HS3ST2: variants seen among roughly 807,000 people sequenced by gnomAD.
HS3ST2 encodes the protein heparan sulfate glucosamine 3-O-sulfotransferase 2.
HS3ST2 carries 17 observed loss-of-function variants against 26.3 expected under a neutral mutation model. The ratio of observed to expected loss-of-function variants is 0.65; its 90% CI spans 0.44 to 0.97. The LOEUF (loss-of-function observed/expected upper bound fraction) is 0.97, where lower values mean the gene tolerates loss of function less well. HS3ST2 is among the 50% of genes least tolerant of loss of function. HS3ST2 has a pLI of 0.00. For synonymous variants in HS3ST2, 237 were observed against 219.2 expected (o/e 1.08, Z -0.72); for missense variants, 402 against 501.2 (o/e 0.80, Z 1.89).
chr16:22,895,926 A>G (rs1902203618), intron 1 of HS3ST2, among the ~76,000 whole-genome samples: 2 of 151,648 alleles, frequency 1.3e-5, no homozygotes, highest in African/African-American at 4.8e-5. Flanking sequence ...TGTTTTGCCA[A>G]CTTTTCGGTC....
intron 1 of HS3ST2, among the ~76,000 whole-genome samples, chr16:22,845,806 G>C (rs1219449237): frequency 3.3e-5 from 5 of 152,176 alleles, no homozygotes; most frequent in Non-Finnish European, 7.4e-5. Context: ...TAAGGCTTTT[G>C]TGTTAAAGCA....
At chr16:22,833,319 G>C (rs1273660992) in intron 1 of HS3ST2, 3 of 455,924 alleles carry the variant, frequency 6.6e-6, no homozygotes, top group Admixed American at 2.3e-5. Context: ...CACACACTTG[G>C]GTGATTGTGC....
intron 1 of HS3ST2, among the ~76,000 whole-genome samples, chr16:22,857,943 A>G (rs1450642364): frequency 6.6e-6 from 1 of 152,172 alleles, no homozygotes; most frequent in Admixed American, 6.5e-5. Flanking sequence ...GAGAGATGTG[A>G]GAGATTCTTA....
At chr16:22,831,745 CA>C (rs1901173342) in intron 1 of HS3ST2, among the ~76,000 whole-genome samples, 1 of 152,044 alleles carries the variant, frequency 6.6e-6, no homozygotes, top group East Asian at 1.9e-4. Flanking sequence ...CACTCTCAGA[CA>C]AAATGAAAAT....
At chr16:22,833,598 A>G in intron 1 of HS3ST2, 1 of 289,556 alleles carries the variant, frequency 3.5e-6, no homozygotes, top group African/African-American at 2.2e-5. Flanking sequence ...GGGCTAGCCC[A>G]TGAGAGAAAG....
At chr16:22,887,519 C>G (rs1010818254) in intron 1 of HS3ST2, among the ~76,000 whole-genome samples, 1 of 152,150 alleles carries the variant, frequency 6.6e-6, no homozygotes, top group African/African-American at 2.4e-5. Context: ...ATATCATCAC[C>G]TTAGGGATTA....
chr16:22,815,252 A>G lies in HS3ST2; in HGVS notation c.485+157A>G, dbSNP rs865894854. ...TGGGGGGCTATAGCAGAATTTACCC[A>G]GAACTTCCCAGTGATAATCTAGACG... On this transcript the variant is annotated intron_variant, in intron 1 of 1. Transcript: ENST00000261374. Among the ~76,000 whole-genome samples the G allele has an allele frequency of 2.6e-5, 4 of 152,054 alleles. 1 individual carries two copies. The highest frequency in any genetic ancestry group is 6.8e-3 in the Middle Eastern group (2 of 294).
chr16:22,866,525 A>T (rs947981861), intron 1 of HS3ST2, among the ~76,000 whole-genome samples: 1 of 152,068 alleles, frequency 6.6e-6, no homozygotes, highest in African/African-American at 2.4e-5. Flanking sequence ...ATCCCAGTAC[A>T]TTGGGAGGCT....
intron 1 of HS3ST2, among the ~76,000 whole-genome samples, chr16:22,867,728 T>C (rs1409317708): frequency 1.3e-5 from 2 of 152,240 alleles, no homozygotes; most frequent in East Asian, 3.8e-4. Context: ...TGTCATTTGG[T>C]ACAACTGTTC....
At chr16:22,887,782 ACGGGAAAAAAAAAAAAACTAGC>A (rs1902080703) in intron 1 of HS3ST2, among the ~76,000 whole-genome samples, 1 of 93,274 alleles carries the variant, frequency 1.1e-5, no homozygotes, top group Admixed American at 1.1e-4. Context: ...CCCCATCTCT[ACGGGAAAAAAAAAAAAACTAGC>A]CAGGCATGGT....
intron 1 of HS3ST2, among the ~76,000 whole-genome samples, chr16:22,822,082 C>T (rs1352100269): frequency 6.6e-6 from 1 of 152,180 alleles, no homozygotes; most frequent in Non-Finnish European, 1.5e-5. Flanking sequence ...TCTCACACTG[C>T]CTTCCAAATG....
intron 1 of HS3ST2, chr16:22,833,266 C>T: frequency 2.2e-6 from 1 of 456,094 alleles, no homozygotes; most frequent in Non-Finnish European, 4.4e-6. Context: ...GAGTGGGTTT[C>T]TTTCCTTAGG....
At chr16:22,909,781 C>T (rs1902399487) in intron 1 of HS3ST2, among the ~76,000 whole-genome samples, 1 of 152,164 alleles carries the variant, frequency 6.6e-6, no homozygotes, top group Non-Finnish European at 1.5e-5. Context: ...AGGCTCATGC[C>T]TGTAATCCTA....
chr16:22,894,793 C>T (rs1399868789), intron 1 of HS3ST2, among the ~76,000 whole-genome samples: 3 of 151,122 alleles, frequency 2.0e-5, no homozygotes, highest in South Asian at 2.1e-4. Context: ...TGCCACTGCA[C>T]TCCAGCCTGG....
At chr16:22,868,029 G>A (rs768479066) in intron 1 of HS3ST2, among the ~76,000 whole-genome samples, 3 of 152,100 alleles carry the variant, frequency 2.0e-5, no homozygotes, top group Non-Finnish European at 2.9e-5. Context: ...AGAATGATGC[G>A]CTCAATTTGT....
intron 1 of HS3ST2, among the ~76,000 whole-genome samples, chr16:22,901,718 C>T (rs1681775950): frequency 6.6e-6 from 1 of 152,182 alleles, no homozygotes; most frequent in African/African-American, 2.4e-5. Flanking sequence ...ATCACCGTTC[C>T]TCCTTTCCAA....
intron 1 of HS3ST2, among the ~76,000 whole-genome samples, chr16:22,854,283 AG>A (rs1901559499): frequency 6.6e-6 from 1 of 152,080 alleles, no homozygotes; most frequent in Non-Finnish European, 1.5e-5. Flanking sequence ...CTTTTCCCTG[AG>A]TATTTATAGA....
At chr16:22,877,246 G>A (rs1330211176) in intron 1 of HS3ST2, among the ~76,000 whole-genome samples, 2 of 152,184 alleles carry the variant, frequency 1.3e-5, no homozygotes, top group Non-Finnish European at 2.9e-5. Flanking sequence ...TGAATGGCTG[G>A]GTGACTGCAG....
chr16:22,906,986 G>A (rs752882061), intron 1 of HS3ST2, among the ~76,000 whole-genome samples: 1 of 152,204 alleles, frequency 6.6e-6, no homozygotes, highest in African/African-American at 2.4e-5. Flanking sequence ...AAGGGCATGA[G>A]GGTGCTAGTA....
Sources: allele counts gnomAD v4.1 joint callset (sites outside exome capture counted in the v4.1 genomes callset), GRCh38; gene constraint gnomAD v4.1.1; transcripts MANE v1.5; gene names NCBI Gene and HGNC (gene_info 2026-07-23, HGNC 2026-07-21).